The following ENAH variants were observed in gnomAD, a reference collection of about 807,000 sequenced individuals.
The protein encoded by ENAH is protein enabled homolog.
A neutral mutation model predicts 78.7 loss-of-function variants in ENAH; 23 were observed. The ratio of observed to expected loss-of-function variants is 0.29; its 90% CI spans 0.21 to 0.41. ENAH has a LOEUF of 0.41. Ranked by LOEUF, ENAH falls within the 10% of genes least tolerant of loss-of-function variation. The probability of loss-of-function intolerance (pLI) is 1.00; values close to 1 mark genes in which losing one functional copy is unlikely to be tolerated. For synonymous variants in ENAH, 226 were observed against 241.0 expected (o/e 0.94, Z 0.58); for missense variants, 544 against 691.0 (o/e 0.79, Z 2.39).
chr1:225,599,383 T>C (rs992163180), intron 1 of ENAH, among the ~76,000 whole-genome samples: 3 of 152,198 alleles, frequency 2.0e-5, no homozygotes, highest in African/African-American at 7.2e-5. Flanking sequence ...TATTAGATGA[T>C]ATTCAATTTC....
chr1:225,630,468 G>A (rs1471392354), intron 1 of ENAH, among the ~76,000 whole-genome samples: 2 of 152,118 alleles, frequency 1.3e-5, no homozygotes, highest in Non-Finnish European at 2.9e-5. Flanking sequence ...CGAATTAAAG[G>A]ATTTAGAAGA....
chr1:225,591,712 C>T (rs2096877239), intron 1 of ENAH, among the ~76,000 whole-genome samples: 1 of 143,386 alleles, frequency 7.0e-6, no homozygotes. Context: ...CTGCAGTGAG[C>T]CGAGATCGCG....
At chr1:225,535,555 T>C (rs1352105547) in intron 3 of ENAH, 1 of 1,303,724 alleles carries the variant, frequency 7.7e-7, no homozygotes, top group Non-Finnish European at 1.0e-6. Flanking sequence ...GCAGTAACCT[T>C]GCTCTGGGCT....
At chr1:225,513,708 T>G (rs974531953) in intron 7 of ENAH, among the ~76,000 whole-genome samples, 1 of 152,136 alleles carries the variant, frequency 6.6e-6, no homozygotes, top group Non-Finnish European at 1.5e-5. Flanking sequence ...AGTGCATGTG[T>G]AGGCCGGGTG....
chr1:225,608,368 A>G (rs1464935539), intron 1 of ENAH, among the ~76,000 whole-genome samples: 1 of 151,988 alleles, frequency 6.6e-6, no homozygotes, highest in Admixed American at 6.6e-5. Context: ...GCATGTTTCT[A>G]AAATAAAAAG....
intron 1 of ENAH, among the ~76,000 whole-genome samples, chr1:225,575,617 G>A (rs2096784306): frequency 6.6e-6 from 1 of 152,100 alleles, no homozygotes. Flanking sequence ...TGACCTATCT[G>A]CCCCATTTTC....
intron 4 of ENAH, among the ~76,000 whole-genome samples, chr1:225,522,318 A>G (rs2096475889): frequency 6.6e-6 from 1 of 152,212 alleles, no homozygotes; most frequent in African/African-American, 2.4e-5. Flanking sequence ...TGACAAATAC[A>G]TCAACCCCAC....
rs529156387 is a variant in ENAH at position 225,557,854 on chromosome 1, C to A, written c.172-2771G>T. Among the ~76,000 whole-genome samples, 906 of 152,042 alleles carry A rather than the reference C, an allele frequency of 6.0e-3. 13 individuals are homozygous for A. The highest frequency in any genetic ancestry group is 0.021 in the African/African-American group (867 of 41,468). On this transcript the variant is annotated intron_variant, in intron 2 of 13. Coordinates refer to ENST00000366843, the MANE Select transcript of ENAH (RefSeq NM_018212.6). The stretch of plus-strand genomic sequence containing the variant: ...AATAAATATATAAATAAATAAATGA[C>A]TTTTCATGTAATAATTTTATTGATA...
rs371338634 is a variant in ENAH at position 225,568,463 on chromosome 1, T to C, written c.6-1049A>G. On this transcript the variant is annotated intron_variant, in intron 1 of 13. Transcript: ENST00000366843. ...GATATTAGAATAGGCACATCAACTC[T>C]ATGCTATTAACCCAATTAAAATAAC... Among the ~76,000 whole-genome samples the C allele has an allele frequency of 2.0e-5, 3 of 152,328 alleles. No homozygotes were observed. In the South Asian group the frequency reaches 6.2e-4, roughly 32 times the overall value.
At chr1:225,574,925 T>TAA (rs2096781080) in intron 1 of ENAH, among the ~76,000 whole-genome samples, 1 of 62,884 alleles carries the variant, frequency 1.6e-5, no homozygotes, top group Non-Finnish European at 3.3e-5. Flanking sequence ...AAAAAATATA[T>TAA]ATATATAAAA....
intron 1 of ENAH, among the ~76,000 whole-genome samples, chr1:225,578,951 A>C (rs1365912674): frequency 6.6e-6 from 1 of 152,232 alleles, no homozygotes; most frequent in Non-Finnish European, 1.5e-5. Context: ...AATACTACTA[A>C]TAATAGTAAA....
At chr1:225,553,494 G>T (rs184281425) in intron 3 of ENAH, among the ~76,000 whole-genome samples, 1 of 151,694 alleles carries the variant, frequency 6.6e-6, no homozygotes, top group Admixed American at 6.6e-5. Context: ...TCTAAAACAC[G>T]GGATAGTCAA....
At chr1:225,555,678 T>C (rs1002175827) in intron 2 of ENAH, among the ~76,000 whole-genome samples, 1 of 152,142 alleles carries the variant, frequency 6.6e-6, no homozygotes, top group African/African-American at 2.4e-5. Context: ...CAAAAAAGTA[T>C]ACACAACCTA....
In ENAH at chr1:225,511,875, T is replaced by C. The variant is rs978898257; in HGVS notation, c.1423-16A>G. On this transcript the variant is annotated splice_polypyrimidine_tract_variant and intron_variant, in intron 9 of 13. Coordinates refer to ENST00000366843, the MANE Select transcript of ENAH (RefSeq NM_018212.6). ...CTGAATCTTCCTAAATATACAGATA[T>C]ATATTAATATCACATCTACCAGTCC... 3 of 1,550,054 alleles carry C rather than the reference T, an allele frequency of 1.9e-6. No individual in the cohort carries two copies. The highest frequency in any genetic ancestry group is 2.7e-5 in the African/African-American group (2 of 73,206).
intron 4 of ENAH, among the ~76,000 whole-genome samples, chr1:225,521,250 T>C (rs933233625): frequency 1.3e-5 from 2 of 152,170 alleles, no homozygotes; most frequent in African/African-American, 2.4e-5. Context: ...TCTGTTTCTA[T>C]AGGATCAATA....
chr1:225,518,850 A>AT (rs1405833443), intron 5 of ENAH, among the ~76,000 whole-genome samples: 6 of 152,180 alleles, frequency 3.9e-5, no homozygotes, highest in African/African-American at 1.4e-4. Context: ...ATTTGAGACA[A>AT]TTTAAGTGAT....
Position 225,554,994 on chromosome 1 carries a change from A to G in ENAH, c.261T>C (p.Tyr87=), listed in dbSNP as rs1198714756. The part of the protein sequence containing the change: ...FHQWRDARQV[Y]GLNFGSKEDA... ...CCTCTTTGCTGCCAAAGTTGAGACC[A>G]TACACCTGTCTAGCATCTCGCCACT... The change falls in exon 3 of 14, where the codon TAT becomes TAC. Residue 87 remains tyrosine, a synonymous_variant. Transcript: ENST00000366843. 1 of 1,608,084 alleles carries G rather than the reference A, an allele frequency of 6.2e-7. No individual in the cohort carries two copies.
intron 11 of ENAH, among the ~76,000 whole-genome samples, chr1:225,506,192 T>C (rs1021276110): frequency 2.0e-5 from 3 of 152,142 alleles, no homozygotes; most frequent in Non-Finnish European, 4.4e-5. Flanking sequence ...CAATGAAGCA[T>C]GATGAAGAGA....
intron 1 of ENAH, among the ~76,000 whole-genome samples, chr1:225,643,682 T>C (rs1010360504): frequency 6.6e-6 from 1 of 152,190 alleles, no homozygotes. Flanking sequence ...ATGCCTGTAA[T>C]CCGAGTGCTT....
Sources: gnomAD v4.1 joint callset for allele counts (sites outside exome capture counted in the v4.1 genomes callset) on GRCh38, gnomAD v4.1.1 for gene constraint, MANE v1.5 for transcripts, NCBI Gene and HGNC (gene_info 2026-07-23, HGNC 2026-07-21) for gene names.